The following MMS22L variants were observed in gnomAD, a reference collection of about 807,000 sequenced individuals.
MMS22L encodes the protein protein MMS22-like.
Under a neutral mutation model 159.1 loss-of-function variants are expected in MMS22L, and 74 were observed. The ratio of observed to expected loss-of-function variants is 0.47; its 90% confidence interval spans 0.39 to 0.56. The LOEUF (loss-of-function observed/expected upper bound fraction) is 0.56. Among genes scored for constraint, MMS22L ranks in the 20% least tolerant of loss-of-function variants. The probability of loss-of-function intolerance (pLI) is 0.00; values close to 1 mark genes in which losing one functional copy is unlikely to be tolerated. For missense variants in MMS22L, 1,351 were observed against 1,422.1 expected (o/e 0.95, Z 0.80); for synonymous variants, 517 against 506.9 (o/e 1.02, Z -0.27).
intron 22 of MMS22L, among the ~76,000 whole-genome samples, chr6:97,161,788 C>A (rs939755076): frequency 6.6e-6 from 1 of 151,852 alleles, no homozygotes; most frequent in Admixed American, 6.6e-5. Context: ...AGAAAAAAAG[C>A]CAAAACTAAA....
chr6:97,254,498 T>C, intron 10 of MMS22L, 59 bp downstream of exon 10: 3 of 1,370,410 alleles, frequency 2.2e-6, no homozygotes, highest in South Asian at 1.3e-5. Flanking sequence ...TTCTAATTTG[T>C]CCAAATAATT....
chr6:97,237,808 T>G (rs1346407595), intron 11 of MMS22L, among the ~76,000 whole-genome samples: 1 of 152,192 alleles, frequency 6.6e-6, no homozygotes, highest in East Asian at 1.9e-4. Flanking sequence ...ATGAAAATAT[T>G]AAACTAGATC....
intron 18 of MMS22L, among the ~76,000 whole-genome samples, chr6:97,175,130 A>G (rs1477581314): frequency 2.6e-5 from 4 of 152,192 alleles, no homozygotes. Flanking sequence ...TTATTTATTA[A>G]TTCATTGAAA....
At chr6:97,216,734 A>G (rs1485420584) in intron 14 of MMS22L, among the ~76,000 whole-genome samples, 1 of 152,214 alleles carries the variant, frequency 6.6e-6, no homozygotes, top group African/African-American at 2.4e-5. Context: ...TAAAGCTTCA[A>G]AGATCTGGGT....
intron 19 of MMS22L, among the ~76,000 whole-genome samples, chr6:97,170,810 C>T (rs905544304): frequency 1.3e-5 from 2 of 152,120 alleles, no homozygotes; most frequent in Non-Finnish European, 2.9e-5. Context: ...AGTTCAAGAC[C>T]AGCTTTGGTA....
upstream of MMS22L, among the ~76,000 whole-genome samples, chr6:97,283,788 C>T (rs1816988015): frequency 6.6e-6 from 1 of 152,100 alleles, no homozygotes; most frequent in African/African-American, 2.4e-5. Flanking sequence ...TAAGCGATAC[C>T]ATATTCCGAG....
chr6:97,170,012 A>T (rs1291168396), intron 19 of MMS22L, among the ~76,000 whole-genome samples: 1 of 152,180 alleles, frequency 6.6e-6, no homozygotes, highest in Non-Finnish European at 1.5e-5. Flanking sequence ...CAAAGTTCAC[A>T]TAACTTTTAT....
chr6:97,244,467 C>T (rs984905941), intron 11 of MMS22L, among the ~76,000 whole-genome samples: 2 of 152,180 alleles, frequency 1.3e-5, no homozygotes, highest in African/African-American at 4.8e-5. Context: ...AGCAGATTAA[C>T]ATTTGAGTCA....
chr6:97,186,745 T>C (rs1805286004), intron 14 of MMS22L, 55 bp from the exon 15 acceptor site: 1 of 1,290,014 alleles, frequency 7.8e-7, no homozygotes, highest in Admixed American at 2.8e-5. Context: ...ACAAAAATCT[T>C]CTTAAAGTAC....
chr6:97,282,966 C>T (rs1816906945), intron 1 of MMS22L, 130 bp downstream of exon 1: 1 of 152,432 alleles, frequency 6.6e-6, no homozygotes, highest in African/African-American at 2.4e-5. Flanking sequence ...CCCGACCCTC[C>T]AAGGAGGAGG....
intron 11 of MMS22L, among the ~76,000 whole-genome samples, chr6:97,243,009 C>G (rs775623447): frequency 4.6e-5 from 7 of 152,136 alleles, no homozygotes; most frequent in Admixed American, 1.3e-4. Flanking sequence ...TCTTAAGATT[C>G]TTTGCTTTGT....
At chr6:97,270,053 A>G in intron 6 of MMS22L, 61 bp from the exon 7 acceptor site, 1 of 1,297,150 alleles carries the variant, frequency 7.7e-7, no homozygotes. Context: ...GGTATTTCAT[A>G]GCATGTCACA....
intron 10 of MMS22L, among the ~76,000 whole-genome samples, chr6:97,253,302 A>G (rs1470850904): frequency 6.6e-6 from 1 of 152,158 alleles, no homozygotes; most frequent in Non-Finnish European, 1.5e-5. Context: ...TCTATCCAAT[A>G]TTCCAAAGAG....
intron 14 of MMS22L, among the ~76,000 whole-genome samples, chr6:97,218,967 G>A (rs916726768): frequency 1.3e-5 from 2 of 152,016 alleles, no homozygotes; most frequent in Non-Finnish European, 1.5e-5. Flanking sequence ...ACAGCAGGAG[G>A]AAGAGCTGCT....
chr6:97,207,770 T>A (rs1807941571), intron 14 of MMS22L, among the ~76,000 whole-genome samples: 1 of 152,136 alleles, frequency 6.6e-6, no homozygotes, highest in Admixed American at 6.6e-5. Flanking sequence ...ATGTCTCATA[T>A]TTGGACTATC....
chr6:97,165,379 A>G lies in MMS22L; in HGVS notation c.3088T>C (p.Tyr1030His). Residue 1030 changes from tyrosine to histidine, a missense_variant, in exon 21 of 25, where the codon TAT becomes CAT. Physicochemically the swap from Tyr to His is moderately conservative, Grantham distance 83. Transcript: ENST00000683635. ...NQLLGNVIEQYIGRFLPASPY... is the reference protein window; with the variant it reads ...NQLLGNVIEQHIGRFLPASPY... ...GAAGCTGGAAGAAATCGCCCAATAT[A>G]CTGCTCAATAACATTCCCTAGCAAT... 1 of 1,613,432 alleles carries G rather than the reference A, an allele frequency of 6.2e-7. No homozygotes were observed. The highest frequency in any genetic ancestry group is 8.5e-7 in the Non-Finnish European group (1 of 1,179,646).
chr6:97,243,878 TG>T (rs2128034544), intron 11 of MMS22L, among the ~76,000 whole-genome samples: 1 of 152,162 alleles, frequency 6.6e-6, no homozygotes, highest in South Asian at 2.1e-4. Context: ...GGGCTGGTAC[TG>T]GGGTGGGGGG....
intron 23 of MMS22L, 60 bp from the exon 24 acceptor site, chr6:97,150,080 T>C (rs577095395): frequency 7.2e-7 from 1 of 1,395,354 alleles, no homozygotes; most frequent in African/African-American, 1.4e-5. Context: ...TGTTGGTATC[T>C]ACGTGGCAAT....
At chr6:97,245,363 G>C (rs1005759089) in intron 11 of MMS22L, among the ~76,000 whole-genome samples, 5 of 151,946 alleles carry the variant, frequency 3.3e-5, no homozygotes, top group African/African-American at 1.2e-4. Context: ...ACTCCCAATA[G>C]AATAATAATG....
Sources: gnomAD v4.1 joint callset for allele counts (sites outside exome capture counted in the v4.1 genomes callset) on GRCh38, gnomAD v4.1.1 for gene constraint, MANE v1.5 for transcripts, NCBI Gene and HGNC (gene_info 2026-07-23, HGNC 2026-07-21) for gene names.